Variants in BPIFB4 observed in about 807,000 individuals in gnomAD.
The protein encoded by BPIFB4 is BPI fold-containing family B member 4.
BPIFB4 carries 62 observed loss-of-function variants against 69.2 expected under a neutral mutation model. The ratio of observed to expected loss-of-function variants is 0.90; its 90% CI spans 0.73 to 1.11. The LOEUF is 1.11. Ranked by LOEUF, BPIFB4 falls within the 50% of genes least tolerant of loss-of-function variation. BPIFB4 has a pLI of 0.00. For synonymous variants in BPIFB4, 330 were observed against 332.7 expected (o/e 0.99, Z 0.09); for missense variants, 789 against 792.0 (o/e 1.00, Z 0.04).
In BPIFB4 at chr20:33,092,861, A is replaced by C. The variant is rs998087062; in HGVS notation, c.1344+203A>C. On this transcript the variant is annotated intron_variant, in intron 11 of 17. Transcript: ENST00000375483. ...TGCTTGGGAGGATTTCAGGTGGTCC[A>C]CAGACCAAATCTCACGATGAGAAAG... Among the ~76,000 whole-genome samples the C allele has an allele frequency of 2.0e-5, 3 of 152,272 alleles. No homozygotes were observed. The East Asian group carries it at 5.8e-4, about 29-fold the overall frequency.
At chr20:33,089,383 C>A in intron 8 of BPIFB4, 115 bp from the exon 9 acceptor site, 1 of 1,524,642 alleles carries the variant, frequency 6.6e-7, no homozygotes, top group Non-Finnish European at 9.0e-7. Context: ...AGGAGAGTGC[C>A]TGGCACAGAG....
rs984049380 is a variant in BPIFB4, at chr20:33,102,849, T to C, written c.1638-123T>C. 1.7e-5 allele frequency: 17 copies of C among 987,522 alleles called. No individual in the cohort carries two copies. The African/African-American group carries it at 2.7e-4, about 16-fold the overall frequency. The allele number at this position is 987,522 out of a possible 1,614,324, so 61.2% of individuals were successfully genotyped here. ...GAGAGCCAGCATTGTTCTTATTAAA[T>C]CCCTGCAGGTGGAGAGTGATCGTGA... On this transcript the variant is annotated intron_variant, in intron 14 of 17. Coordinates refer to ENST00000375483, the MANE Select transcript of BPIFB4 (RefSeq NM_182519.3).
intron 17 of BPIFB4, among the ~76,000 whole-genome samples, chr20:33,109,947 A>G (rs1309640750): frequency 1.3e-5 from 2 of 152,180 alleles, no homozygotes; most frequent in African/African-American, 4.8e-5. Context: ...TTATTTTGAA[A>G]TAATTTTAGG....
At chr20:33,093,202 T>C (rs1423963931) in intron 11 of BPIFB4, among the ~76,000 whole-genome samples, 1 of 152,120 alleles carries the variant, frequency 6.6e-6, no homozygotes, top group Admixed American at 6.5e-5. Context: ...TACCTATGCG[T>C]CCATTCACCC....
chr20:33,095,063 C>T lies in BPIFB4; in HGVS notation c.1345-37C>T, dbSNP rs1261088136. 2.6e-6 allele frequency: 4 copies of T among 1,566,310 alleles called. No homozygotes were observed. In the South Asian group the frequency reaches 4.4e-5, roughly 17 times the overall value. ...AGCAACTCCTGTCTGTACCGATAGCCTCCAGGATTCACGTGGCCCTTCTTC... is the reference window on the plus strand; with the variant it reads ...AGCAACTCCTGTCTGTACCGATAGCTTCCAGGATTCACGTGGCCCTTCTTC... On this transcript the variant is annotated intron_variant, in intron 11 of 17. Coordinates refer to ENST00000375483, the MANE Select transcript of BPIFB4 (RefSeq NM_182519.3).
intron 9 of BPIFB4, 102 bp from the exon 10 acceptor site, chr20:33,090,606 G>C (rs892155148): frequency 2.6e-6 from 4 of 1,549,348 alleles, no homozygotes; most frequent in Admixed American, 1.9e-5. Context: ...GTCTGGAGCT[G>C]GAGCCTGGGC....
intron 1 of BPIFB4, among the ~76,000 whole-genome samples, chr20:33,080,027 T>C (rs1981182788): frequency 6.6e-6 from 1 of 152,222 alleles, no homozygotes; most frequent in African/African-American, 2.4e-5. Context: ...TCTTTTTAAC[T>C]GAAAGGGGTG....
chr20:33,101,699 C>A (rs749104794), intron 14 of BPIFB4, among the ~76,000 whole-genome samples: 1 of 152,174 alleles, frequency 6.6e-6, no homozygotes, highest in Non-Finnish European at 1.5e-5. Flanking sequence ...GCATGCACCA[C>A]CACGCCAGAC....
At chr20:33,108,410 C>CATATATATATGTCTAT (rs1568589685) in intron 17 of BPIFB4, among the ~76,000 whole-genome samples, 3 of 68,434 alleles carry the variant, frequency 4.4e-5, no homozygotes, top group Admixed American at 1.5e-4. Context: ...AGTATGCATC[C>CATATATATATGTCTAT]ATATATATAT....
chr20:33,086,118 C>A lies in BPIFB4; in HGVS notation c.880C>A (p.Arg294=), dbSNP rs377208700. The change falls in exon 7 of 18, where the codon CGA becomes AGA. Residue 294 remains arginine, a synonymous_variant. Coordinates refer to ENST00000375483, the MANE Select transcript of BPIFB4 (RefSeq NM_182519.3). ...GGGTTATCCTCGGCTGGTCATTGAG[C>A]GATGTGACACCCTCCTAGGGGGCAT... is the stretch of plus-strand genomic sequence containing the variant. ...RTGYPRLVIE[R]CDTLLGGIKV... is the part of the protein sequence containing the mutation. The A allele has an allele frequency of 6.8e-6, 11 of 1,613,140 alleles. No individual in the cohort carries two copies. In the East Asian group the frequency reaches 1.6e-4, roughly 23 times the overall value.
intron 11 of BPIFB4, 48 bp downstream of exon 11, chr20:33,092,706 G>T (rs1025474997): frequency 1.2e-5 from 18 of 1,521,786 alleles, no homozygotes; most frequent in Non-Finnish European, 1.4e-5. Context: ...GCAGACAGCT[G>T]CCAGTGACCC....
chr20:33,080,195 G>T (rs1297225112), intron 1 of BPIFB4, among the ~76,000 whole-genome samples: 6 of 151,694 alleles, frequency 4.0e-5, no homozygotes, highest in Non-Finnish European at 8.8e-5. Context: ...GAATTTGGGG[G>T]CGCTGTGAAG....
intron 1 of BPIFB4, among the ~76,000 whole-genome samples, chr20:33,080,009 G>A (rs1175725589): frequency 3.9e-5 from 6 of 152,184 alleles, no homozygotes; most frequent in South Asian, 2.1e-4. Flanking sequence ...ATCTTCCATC[G>A]GTGCCCATCT....
chr20:33,092,418 T>G (rs748907564), intron 10 of BPIFB4, 40 bp from the exon 11 acceptor site: 4 of 1,557,978 alleles, frequency 2.6e-6, no homozygotes, highest in Non-Finnish European at 2.6e-6. Context: ...TCTTTCCATC[T>G]TCTCCCTCCC....
intron 5 of BPIFB4, 24 bp from the exon 6 acceptor site, chr20:33,084,868 C>A (rs754560868): frequency 6.2e-7 from 1 of 1,601,590 alleles, no homozygotes; most frequent in Non-Finnish European, 8.5e-7. Context: ...GGCCGGCCTT[C>A]TCACCACTCT....
intron 11 of BPIFB4, 139 bp from the exon 12 acceptor site, chr20:33,094,961 C>T: frequency 1.2e-6 from 1 of 817,574 alleles, no homozygotes; most frequent in South Asian, 1.5e-5. Flanking sequence ...AGGACTTCCC[C>T]AGGGGTCTTT....
chr20:33,089,419 C>T (rs1981530595), intron 8 of BPIFB4, 79 bp from the exon 9 acceptor site: 12 of 1,602,120 alleles, frequency 7.5e-6, no homozygotes, highest in Admixed American at 1.7e-5. Flanking sequence ...TTTTAGCTAT[C>T]GTTACTCTTG....
At chr20:33,107,255 A>G (rs1029091566) in intron 16 of BPIFB4, among the ~76,000 whole-genome samples, 9 of 111,848 alleles carry the variant, frequency 8.0e-5, no homozygotes, top group African/African-American at 2.4e-4. Context: ...AAGAAAAGAA[A>G]AGAAGAGAAA....
rs141729931 is a variant in BPIFB4 at position 33,098,122 on chromosome 20, A to G, written c.1569+335A>G. ...TTGTCGTGATGACTGAATGAAATTA[A>G]GACTGATTTTCTCCTCTGCCACAGG... On this transcript the variant is annotated intron_variant, in intron 13 of 17. Transcript: ENST00000375483. Among the ~76,000 whole-genome samples, 24 of 152,310 alleles carry G rather than the reference A, an allele frequency of 1.6e-4. No individual in the cohort carries two copies. The East Asian group carries it at 4.4e-3, about 28-fold the overall frequency.
Sources: gnomAD v4.1 joint callset for allele counts (sites outside exome capture counted in the v4.1 genomes callset) on GRCh38, gnomAD v4.1.1 for gene constraint, MANE v1.5 for transcripts, NCBI Gene and HGNC (gene_info 2026-07-23, HGNC 2026-07-21) for gene names.